NALF1: variants seen among roughly 807,000 people sequenced by gnomAD.
NALF1 encodes NALCN channel auxiliary factor 1.
NALF1 carries 3 observed loss-of-function variants against 48.4 expected under a neutral mutation model. The observed-to-expected ratio is 0.06, with a 90% confidence interval of 0.03 to 0.16. The LOEUF (loss-of-function observed/expected upper bound fraction) is 0.16, where lower values mean the gene tolerates loss of function less well. Among genes scored for constraint, NALF1 ranks in the 10% least tolerant of loss-of-function variants. The probability of loss-of-function intolerance (pLI) is 1.00; values close to 1 mark genes in which losing one functional copy is unlikely to be tolerated. For synonymous variants in NALF1, 262 were observed against 245.7 expected (o/e 1.07, Z -0.62); for missense variants, 526 against 571.5 (o/e 0.92, Z 0.81).
intron 1 of NALF1, among the ~76,000 whole-genome samples, chr13:107,718,973 G>C (rs1317463473): frequency 6.6e-6 from 1 of 152,150 alleles, no homozygotes; most frequent in Non-Finnish European, 1.5e-5. Flanking sequence ...TAAACCTTTG[G>C]TGGTTTTGCA....
chr13:107,403,768 T>TAC (rs1311761219), intron 1 of NALF1, among the ~76,000 whole-genome samples: 1 of 151,882 alleles, frequency 6.6e-6, no homozygotes, highest in Non-Finnish European at 1.5e-5. Flanking sequence ...TGAATGAAGT[T>TAC]ACACACCATT....
intron 1 of NALF1, among the ~76,000 whole-genome samples, chr13:107,583,736 T>G (rs1878376239): frequency 6.6e-6 from 1 of 152,200 alleles, no homozygotes; most frequent in South Asian, 2.1e-4. Context: ...CAAGGACTAT[T>G]ACAAAGAGTG....
chr13:107,217,420 C>T (rs952369766), intron 1 of NALF1, among the ~76,000 whole-genome samples: 1 of 152,182 alleles, frequency 6.6e-6, no homozygotes. Context: ...TAGTATCCCT[C>T]CGGCTTCTGT....
rs955927248 is a variant in NALF1 at position 107,866,350 on chromosome 13, G to T, written c.247C>A (p.Gln83Lys). Residue 83 changes from glutamine (Q) to lysine (K), a missense_variant, in exon 1 of 3, where the codon CAG becomes AAG. This residue lies in a region of NALF1 where 373 missense variants were observed against 355.5 expected (regional missense o/e 1.05). Coordinates refer to ENST00000375915, the MANE Select transcript of NALF1 (RefSeq NM_001080396.3). This position sits in a 1 kb window ranked among gnomAD's most constrained non-coding sequence, Gnocchi z 4.4. ...QQQQRQQQQQ[Q>K]QQQRQRQQQQ... Reference sequence around the variant, plus strand: ...TGCTGCCGCTGCCTCTGCTGCTGCTGCTGCTGCTGCTGCTGCCGCTGCTGC... The same window carrying T: ...TGCTGCCGCTGCCTCTGCTGCTGCTTCTGCTGCTGCTGCTGCCGCTGCTGC... 7 of 1,607,818 alleles carry T rather than the reference G, an allele frequency of 4.4e-6. No individual in the cohort carries two copies. The East Asian group carries it at 1.1e-4, about 26-fold the overall frequency.
At chr13:107,535,270 G>A (rs912173980) in intron 1 of NALF1, among the ~76,000 whole-genome samples, 1 of 152,056 alleles carries the variant, frequency 6.6e-6, no homozygotes, top group Non-Finnish European at 1.5e-5. Context: ...GTTTTCCAAG[G>A]GAATGCTTCC....
At chr13:107,327,015 G>A (rs891514666) in intron 1 of NALF1, among the ~76,000 whole-genome samples, 6 of 152,186 alleles carry the variant, frequency 3.9e-5, no homozygotes, top group African/African-American at 1.4e-4. Context: ...TCACAAGAAT[G>A]CCTAACCCCA....
At chr13:107,797,091 G>C (rs1421735062) in intron 1 of NALF1, among the ~76,000 whole-genome samples, 1 of 152,186 alleles carries the variant, frequency 6.6e-6, no homozygotes, top group Non-Finnish European at 1.5e-5. Flanking sequence ...TGAGCCAGGA[G>C]GTGATCGTGT....
At chr13:107,504,343 G>A (rs1043816126) in intron 1 of NALF1, among the ~76,000 whole-genome samples, 2 of 151,890 alleles carry the variant, frequency 1.3e-5, no homozygotes, top group Admixed American at 1.3e-4. Context: ...ATGCCAAACA[G>A]CAGATTTGTG....
chr13:107,510,950 G>A (rs1019417611), intron 1 of NALF1, among the ~76,000 whole-genome samples: 3 of 151,904 alleles, frequency 2.0e-5, no homozygotes, highest in Non-Finnish European at 4.4e-5. Flanking sequence ...AAATTCCCAC[G>A]CCCATCCTAT....
intron 1 of NALF1, among the ~76,000 whole-genome samples, chr13:107,258,667 C>T (rs369902748): frequency 2.5e-4 from 38 of 152,194 alleles, no homozygotes; most frequent in African/African-American, 7.7e-4. Flanking sequence ...TTGGCACTAA[C>T]GACATTGCAC....
intron 1 of NALF1, among the ~76,000 whole-genome samples, chr13:107,518,607 C>T (rs185626456): frequency 2.0e-5 from 3 of 152,126 alleles, no homozygotes; most frequent in Admixed American, 1.3e-4. Flanking sequence ...ACCTTTTCTC[C>T]TTGAGCTGCC....
intron 1 of NALF1, among the ~76,000 whole-genome samples, chr13:107,608,929 G>A (rs1254909178): frequency 6.6e-6 from 1 of 152,322 alleles, no homozygotes; most frequent in African/African-American, 2.4e-5. Context: ...CACCTGTGCT[G>A]GGCCGGGCAC....
At chr13:107,371,963 G>C (rs1310532514) in intron 1 of NALF1, among the ~76,000 whole-genome samples, 1 of 152,146 alleles carries the variant, frequency 6.6e-6, no homozygotes, top group Non-Finnish European at 1.5e-5. Flanking sequence ...CAATAAGAGA[G>C]TAAGAAGGCT....
At chr13:107,513,324 G>A (rs1875955956) in intron 1 of NALF1, among the ~76,000 whole-genome samples, 1 of 152,112 alleles carries the variant, frequency 6.6e-6, no homozygotes, top group Non-Finnish European at 1.5e-5. Context: ...CTTGGACAAA[G>A]ACTCAAAACT....
At chr13:107,627,520 T>A (rs537538565) in intron 1 of NALF1, among the ~76,000 whole-genome samples, 1 of 152,262 alleles carries the variant, frequency 6.6e-6, no homozygotes, top group East Asian at 1.9e-4. Context: ...ACCCCTTCTG[T>A]ACCTGTATTT....
At chr13:107,256,312 CT>C (rs1463978824) in intron 1 of NALF1, among the ~76,000 whole-genome samples, 2 of 152,170 alleles carry the variant, frequency 1.3e-5, no homozygotes, top group African/African-American at 4.8e-5. Context: ...CTTCCTAACC[CT>C]GTGTTCAGTG....
At chr13:107,533,534 T>A (rs79477109) in intron 1 of NALF1, among the ~76,000 whole-genome samples, 25,570 of 152,138 alleles carry the variant, frequency 0.17, 2,451 homozygotes, top group East Asian at 0.26. Context: ...GCCTTTTGAA[T>A]GGTAAGAAAA....
chr13:107,467,169 C>T (rs1227655980), intron 1 of NALF1, among the ~76,000 whole-genome samples: 1 of 152,074 alleles, frequency 6.6e-6, no homozygotes, highest in Non-Finnish European at 1.5e-5. Context: ...CATTTTAATA[C>T]ATGTTGGTAG....
At chr13:107,621,014 T>G (rs1054509379) in intron 1 of NALF1, among the ~76,000 whole-genome samples, 13 of 152,044 alleles carry the variant, frequency 8.6e-5, no homozygotes, top group African/African-American at 2.9e-4. Flanking sequence ...GTGTGTTAAC[T>G]TCAGTAGGCA....
Sources: gnomAD v4.1 joint callset for allele counts (sites outside exome capture counted in the v4.1 genomes callset) on GRCh38, gnomAD v4.1.1 for gene constraint, gnomAD v4.1.1 regional missense constraint, Gnocchi (gnomAD v3.1) non-coding constraint, MANE v1.5 for transcripts, NCBI Gene and HGNC (gene_info 2026-07-23, HGNC 2026-07-21) for gene names.